The following TMEM74B variants were observed in gnomAD, a reference collection of about 807,000 sequenced individuals.
TMEM74B encodes the protein transmembrane protein C20orf46.
A neutral mutation model predicts 6.5 loss-of-function variants in TMEM74B; 7 were observed. The ratio of observed to expected loss-of-function variants is 1.07; its 90% CI spans 0.61 to 2.01. The LOEUF is 2.01. Among genes scored for constraint, TMEM74B ranks in the 30% most tolerant of loss-of-function variants. The pLI, the probability that TMEM74B is intolerant of heterozygous loss-of-function variation, is 0.00. For synonymous variants in TMEM74B, 151 were observed against 151.6 expected, an observed-to-expected ratio of 1.00 and a Z score of 0.03; for missense variants, 342 against 337.0, an observed-to-expected ratio of 1.01 and a Z score of -0.12.
Position 1,183,147 on chromosome 20 carries a change from G to A in TMEM74B, c.31+624C>T, listed in dbSNP as rs114644395. Among the ~76,000 whole-genome samples the A allele has an allele frequency of 8.2e-3, 1,246 of 152,320 alleles. 17 individuals are homozygous for A. The highest frequency in any genetic ancestry group is 0.028 in the African/African-American group (1,160 of 41,560). ...GGCACATACACTCAGAGCCCTAGGC[G>A]CACAAGCCATGGGCTACAGAGACCA... On this transcript the variant is annotated intron_variant, in intron 2 of 2. Transcript: ENST00000429036.
In TMEM74B at chr20:1,181,273, T is replaced by C; in HGVS notation, c.346A>G (p.Ser116Gly). The C allele has an allele frequency of 6.2e-7, 1 of 1,613,678 alleles. No individual in the cohort carries two copies. Among genetic ancestry groups the C allele is most frequent in the Non-Finnish European group, 8.5e-7 (1 of 1,179,812 alleles). Residue 116 changes from serine (S) to glycine (G), a missense_variant, in exon 3 of 3, where the codon AGC becomes GGC. Physicochemically the swap from Ser to Gly is moderately conservative, Grantham distance 56. Coordinates refer to ENST00000429036, the MANE Select transcript of TMEM74B (RefSeq NM_001304748.2). This position sits in a 1 kb window ranked among gnomAD's most constrained non-coding sequence, Gnocchi z 4.9. ...ACAAAGCCATAATCCACCGGGCGGCTCACGGGCTCCAGGGCTGGCCCCTCC... is the reference window on the plus strand; with the variant it reads ...ACAAAGCCATAATCCACCGGGCGGCCCACGGGCTCCAGGGCTGGCCCCTCC... ...SEEGPALEPV[S>G]RPVDYGFVSA...
In TMEM74B at chr20:1,181,992, A is replaced by T. The variant is rs190425184; in HGVS notation, c.32-405T>A. The stretch of plus-strand genomic sequence containing the variant: ...GTAGGTAGTGTGAATATCAGGCTCA[A>T]ATCCCAGCTTCACCACTTGGGCTTG... On this transcript the variant is annotated intron_variant, in intron 2 of 2. Transcript: ENST00000429036. This position sits in a 1 kb window ranked among gnomAD's most constrained non-coding sequence, Gnocchi z 4.9. Among the ~76,000 whole-genome samples the T allele has an allele frequency of 2.1e-4, 32 of 152,312 alleles. No individual in the cohort carries two copies. The highest frequency in any genetic ancestry group is 3.8e-4 in the Non-Finnish European group (26 of 68,040).
chr20:1,180,660 G>GGCT lies in TMEM74B; in HGVS notation c.*185_*187dup. On this transcript the variant is annotated 3_prime_UTR_variant, in exon 3 of 3. Transcript: ENST00000429036. This position sits in a 1 kb window ranked among gnomAD's most constrained non-coding sequence, Gnocchi z 6.1. ...ACCTCAGCTACAAAACAGATCAGTG[G>GGCT]GCTGCTTGCCCGTGTGGGGCATGGG... 1 of 649,888 alleles carries GGCT rather than the reference G, an allele frequency of 1.5e-6. No homozygotes were observed. Among genetic ancestry groups the GGCT allele is most frequent in the Non-Finnish European group, 2.3e-6 (1 of 432,434 alleles). The allele number at this position is 649,888 out of a possible 1,614,324, so 40.3% of individuals were successfully genotyped here.
chr20:1,185,725 T>G (rs1270906298), upstream of TMEM74B, among the ~76,000 whole-genome samples: 3 of 151,954 alleles, frequency 2.0e-5, no homozygotes, highest in East Asian at 5.8e-4. Flanking sequence ...CGGGGGCTGC[T>G]GAAGAAGATC....
chr20:1,188,340 A>G (rs2087043450), upstream of TMEM74B, among the ~76,000 whole-genome samples: 1 of 151,934 alleles, frequency 6.6e-6, no homozygotes, highest in Non-Finnish European at 1.5e-5. Context: ...ATTGCTGTTT[A>G]TAGGACTTGG....
chr20:1,183,687 T>A, intron 2 of TMEM74B, 84 bp downstream of exon 2: 1 of 1,520,186 alleles, frequency 6.6e-7, no homozygotes, highest in Non-Finnish European at 9.1e-7. Context: ...TCATAAAACA[T>A]GGCCAAGATC....
At chr20:1,186,941 G>T (rs1477707471), upstream of TMEM74B, among the ~76,000 whole-genome samples, 2 of 152,208 alleles carry the variant, frequency 1.3e-5, no homozygotes, top group Non-Finnish European at 2.9e-5. Context: ...CTGGAGCTCG[G>T]TTTCCTCCTC....
rs949881037 is a variant in TMEM74B at position 1,181,022 on chromosome 20, C to G, written c.597G>C (p.Leu199=). The G allele has an allele frequency of 6.2e-7, 1 of 1,613,886 alleles. No individual in the cohort carries two copies. Among genetic ancestry groups the G allele is most frequent in the Non-Finnish European group, 8.5e-7 (1 of 1,179,952 alleles). ...TCCGGCGGTACAGCTCGCCCTTGCACAGGGAGACCATGAGCAGCACCGACA... is the reference window on the plus strand; with the variant it reads ...TCCGGCGGTACAGCTCGCCCTTGCAGAGGGAGACCATGAGCAGCACCGACA... ...MLLSVLLMVS[L]CKGELYRRRT... Residue 199 remains leucine (L), a synonymous_variant, in exon 3 of 3, where the codon CTG becomes CTC. Transcript: ENST00000429036. The surrounding 1 kb of genome is among the most constrained non-coding windows in gnomAD (Gnocchi z 4.9).
At chr20:1,186,794 T>G (rs2087027707), upstream of TMEM74B, among the ~76,000 whole-genome samples, 2 of 152,130 alleles carry the variant, frequency 1.3e-5, no homozygotes, top group Admixed American at 1.3e-4. Context: ...TGGGAAGGCC[T>G]CCATTTCCTC....
At chr20:1,188,123 G>T (rs549627133), upstream of TMEM74B, among the ~76,000 whole-genome samples, 1 of 150,676 alleles carries the variant, frequency 6.6e-6, no homozygotes, top group African/African-American at 2.4e-5. Flanking sequence ...AGATGCAGAT[G>T]ATTACATACA....
At position 1,180,958 on chromosome 20, in the gene TMEM74B, C is replaced by G. The variant is rs762911407; in HGVS notation, c.661G>C (p.Gly221Arg). The G allele has an allele frequency of 6.2e-7, 1 of 1,614,138 alleles. No homozygotes were observed. Among genetic ancestry groups the G allele is most frequent in the South Asian group, 1.1e-5 (1 of 91,074 alleles). The stretch of plus-strand genomic sequence containing the variant: ...TGTCTCATGCGCAGGTTAATGGAGC[C>G]GTAGGTCTTCCTGGAGCCCTTGCCG... ...VPGKGSRKTY[G>R]SINLRMRQLN... The change falls in exon 3 of 3, where the codon GGC becomes CGC. Residue 221 changes from glycine to arginine, a missense_variant. Gly to Arg is a moderately radical substitution (Grantham distance 125). Transcript: ENST00000429036. The surrounding 1 kb of genome is among the most constrained non-coding windows in gnomAD (Gnocchi z 6.1).
chr20:1,181,547 T>C lies in TMEM74B; in HGVS notation c.72A>G (p.Pro24=). ...GPRDELGPSF[P]MASPPGLELK... ...GTTCCAGACCAGGGGGAGATGCCATTGGGAAGGAGGGCCCCAGCTCATCCC... is the reference window on the plus strand; with the variant it reads ...GTTCCAGACCAGGGGGAGATGCCATCGGGAAGGAGGGCCCCAGCTCATCCC... The change falls in exon 3 of 3, where the codon CCA becomes CCG. Residue 24 remains proline, a synonymous_variant. Transcript: ENST00000429036. This position sits in a 1 kb window ranked among gnomAD's most constrained non-coding sequence, Gnocchi z 4.9. The C allele has an allele frequency of 1.4e-6, 2 of 1,475,990 alleles. No homozygotes were observed. Among genetic ancestry groups the C allele is most frequent in the Non-Finnish European group, 1.8e-6 (2 of 1,117,574 alleles). The allele number at this position is 1,475,990 out of a possible 1,614,324, so 91.4% of individuals were successfully genotyped here.
In TMEM74B at chr20:1,181,260, TC is replaced by T. The variant is rs766184171; in HGVS notation, c.358del (p.Asp120IlefsTer12). ...PALEPVSRPV[D>X]YGFVSALVFL... is the part of the protein sequence containing the mutation. ...AACGAGGGCGGAAACAAAGCCATAA[TC>T]CACCGGGCGGCTCACGGGCTCCAGG... On this transcript the variant is annotated frameshift_variant, in exon 3 of 3. Transcript: ENST00000429036. LOFTEE classifies it high-confidence loss of function. This position sits in a 1 kb window ranked among gnomAD's most constrained non-coding sequence, Gnocchi z 4.9. 6.2e-7 allele frequency: 1 copy of T among 1,613,860 alleles called. No individual in the cohort carries two copies. The highest frequency in any genetic ancestry group is 2.2e-5 in the East Asian group (1 of 44,864).
chr20:1,189,293 G>A (rs904032545), upstream of TMEM74B: 9 of 152,120 alleles, frequency 5.9e-5, no homozygotes, highest in Non-Finnish European at 1.0e-4. This position sits in a 1 kb window ranked among gnomAD's most constrained non-coding sequence, Gnocchi z 4.5. Flanking sequence ...TGTCACAAAC[G>A]ATAGGAACCT....
chr20:1,186,907 G>C (rs552322378), upstream of TMEM74B, among the ~76,000 whole-genome samples: 5 of 152,330 alleles, frequency 3.3e-5, no homozygotes, highest in Non-Finnish European at 7.4e-5. Context: ...ACAGCTGGGT[G>C]CCCTGGTGTA....
At chr20:1,183,709 A>G (rs1322579156) in intron 2 of TMEM74B, 62 bp downstream of exon 2, 5 of 1,592,278 alleles carry the variant, frequency 3.1e-6, no homozygotes, top group Middle Eastern at 3.3e-4. Flanking sequence ...CATGGCATGT[A>G]TGGGAGGGTG....
chr20:1,184,059 G>A lies in TMEM74B; in HGVS notation c.-147-111C>T, dbSNP rs2086952161. On this transcript the variant is annotated intron_variant, in intron 1 of 2. Coordinates refer to ENST00000429036, the MANE Select transcript of TMEM74B (RefSeq NM_001304748.2). This position sits in a 1 kb window ranked among gnomAD's most constrained non-coding sequence, Gnocchi z 6.0. ...AGCCACAAACAGGGACCAGCAGTGG[G>A]TGCCACATGGGTGCTCAGAAGTGGC... 2.1e-6 allele frequency: 1 copy of A among 468,982 alleles called. No homozygotes were observed. The highest frequency in any genetic ancestry group is 3.8e-5 in the Admixed American group (1 of 26,366). The allele number at this position is 468,982 out of a possible 1,614,324, so 29.1% of individuals were successfully genotyped here.
chr20:1,181,157 C>T lies in TMEM74B; in HGVS notation c.462G>A (p.Val154=), dbSNP rs376677526. 2.4e-5 allele frequency: 38 copies of T among 1,614,072 alleles called. No homozygotes were observed. The highest frequency in any genetic ancestry group is 2.8e-5 in the Non-Finnish European group (33 of 1,180,040). The change falls in exon 3 of 3, where the codon GTG becomes GTA. Residue 154 remains valine (V), a synonymous_variant. Transcript: ENST00000429036. This position sits in a 1 kb window ranked among gnomAD's most constrained non-coding sequence, Gnocchi z 4.9. The part of the protein sequence containing the change: ...PREARVNPDT[V]TAREMERLEM... ...CCAGTCGTTCCATCTCCCGCGCTGTCACTGTGTCCGGATTGACTCGAGCCT... is the reference window on the plus strand; with the variant it reads ...CCAGTCGTTCCATCTCCCGCGCTGTTACTGTGTCCGGATTGACTCGAGCCT...
chr20:1,188,650 A>G (rs1456943384), upstream of TMEM74B, among the ~76,000 whole-genome samples: 1 of 151,362 alleles, frequency 6.6e-6, no homozygotes, highest in African/African-American at 2.4e-5. Context: ...TACACACACC[A>G]CACACACTAC....
Sources: allele counts gnomAD v4.1 joint callset (sites outside exome capture counted in the v4.1 genomes callset), GRCh38; gene constraint gnomAD v4.1.1; non-coding constraint Gnocchi (gnomAD v3.1); transcripts MANE v1.5; gene names NCBI Gene and HGNC (gene_info 2026-07-23, HGNC 2026-07-21).